LST1: variants seen among roughly 807,000 people sequenced by gnomAD.
The protein encoded by LST1 is leukocyte-specific transcript 1 protein.
LST1 carries 9 observed loss-of-function variants against 8.5 expected under a neutral mutation model. The observed-to-expected ratio is 1.06, with a 90% CI of 0.64 to 1.85. The LOEUF (loss-of-function observed/expected upper bound fraction) is 1.85. LST1 is among the 40% of genes most tolerant of loss of function. The pLI is 0.00. For missense variants in LST1, 121 were observed against 117.1 expected (o/e 1.03, Z -0.16); for synonymous variants, 53 against 50.4 (o/e 1.05, Z -0.21).
Position 31,587,753 on chromosome 6 carries a change from C to G in LST1, c.112+20C>G. ...GAAGAGGTGAGCGCTGCACTCCCTCCCTCCCCCTGCAGCAGTGCCCCCTGT... is the reference window on the plus strand; with the variant it reads ...GAAGAGGTGAGCGCTGCACTCCCTCGCTCCCCCTGCAGCAGTGCCCCCTGT... On this transcript the variant is annotated intron_variant, in intron 3 of 4. Coordinates refer to ENST00000438075, the MANE Select transcript of LST1 (RefSeq NM_205839.3). The G allele has an allele frequency of 6.4e-7, 1 of 1,553,850 alleles. No individual in the cohort carries two copies. Among genetic ancestry groups the G allele is most frequent in the Non-Finnish European group, 8.7e-7 (1 of 1,145,682 alleles).
chr6:31,586,949 G>T, intron 1 of LST1: 1 of 439,286 alleles, frequency 2.3e-6, no homozygotes, highest in Non-Finnish European at 4.2e-6. Context: ...GGTCAGCCCA[G>T]GGCAGAGGAA....
chr6:31,588,373 A>AG (rs1340835709), intron 4 of LST1, 145 bp from the exon 5 acceptor site: 8 of 795,586 alleles, frequency 1.0e-5, no homozygotes, highest in African/African-American at 5.8e-5. Context: ...TCCAAAGAAA[A>AG]AAGAGAGAGA....
intron 1 of LST1, chr6:31,586,830 T>A (rs7769073): frequency 0.055 from 9,196 of 166,940 alleles, 348 homozygotes; most frequent in South Asian, 0.15. Context: ...CACCCTCCCT[T>A]CTTCCCCCCA....
rs1018966408 is a variant in LST1 at position 31,588,890 on chromosome 6, A to G, written c.*214A>G. 31 of 883,742 alleles carry G rather than the reference A, an allele frequency of 3.5e-5. No homozygotes were observed. The highest frequency in any genetic ancestry group is 4.8e-5 in the Non-Finnish European group (28 of 585,564). The allele number at this position is 883,742 out of a possible 1,614,324, so 54.7% of individuals were successfully genotyped here. On this transcript the variant is annotated 3_prime_UTR_variant, in exon 5 of 5. Transcript: ENST00000438075. ...TTAAAAATTAAAATAAAAAAAACACATGGCTCACCCTTCCACCCACTCTGG... is the reference window on the plus strand; with the variant it reads ...TTAAAAATTAAAATAAAAAAAACACGTGGCTCACCCTTCCACCCACTCTGG...
intron 4 of LST1, 179 bp downstream of exon 4, chr6:31,588,145 C>G (rs1357174446): frequency 1.6e-6 from 1 of 614,334 alleles, no homozygotes; most frequent in Non-Finnish European, 2.7e-6. Context: ...AGACAGAAAC[C>G]AAGAGAAAAA....
At chr6:31,587,913 G>A in intron 3 of LST1, 31 bp from the exon 4 acceptor site, 1 of 1,605,702 alleles carries the variant, frequency 6.2e-7, no homozygotes, top group Non-Finnish European at 8.5e-7. Context: ...CACAAAGGGT[G>A]GGCTGTGTTG....
In LST1 at chr6:31,587,977, G is replaced by A; in HGVS notation, c.135+11G>A. 1 of 1,607,080 alleles carries A rather than the reference G, an allele frequency of 6.2e-7. No homozygotes were observed. The highest frequency in any genetic ancestry group is 8.5e-7 in the Non-Finnish European group (1 of 1,176,894). ...CTGGAGAGGAGCTGGGTGAGTCTGG[G>A]GACAGGGAAGGGGGAGGGCAAGAGA... On this transcript the variant is annotated intron_variant, in intron 4 of 4. Coordinates refer to ENST00000438075, the MANE Select transcript of LST1 (RefSeq NM_205839.3).
Position 31,588,541 on chromosome 6 carries a change from A to G in LST1, c.159A>G (p.Glu53=). 1 of 1,610,618 alleles carries G rather than the reference A, an allele frequency of 6.2e-7. No individual in the cohort carries two copies. The highest frequency in any genetic ancestry group is 8.5e-7 in the Non-Finnish European group (1 of 1,178,938). ...AGGCCCAGGGCTCCTCAGAGCAGGA[A>G]CTCCACTATGCATCTCTGCAGAGGC... The part of the protein sequence containing the change: ...RSWAQGSSEQ[E]LHYASLQRLP... The change falls in exon 5 of 5, where the codon GAA becomes GAG. Residue 53 remains glutamate, a synonymous_variant. Transcript: ENST00000438075.
Position 31,588,797 on chromosome 6 carries a change from G to C in LST1, c.*121G>C. On this transcript the variant is annotated 3_prime_UTR_variant, in exon 5 of 5. Transcript: ENST00000438075. The stretch of plus-strand genomic sequence containing the variant: ...TCCTCTCAGTCCATCTCGAGCCTCC[G>C]TTCAAATTGATCATCATCAAAACTT... 8.6e-7 allele frequency: 1 copy of C among 1,159,254 alleles called. No individual in the cohort carries two copies. Among genetic ancestry groups the C allele is most frequent in the Non-Finnish European group, 1.3e-6 (1 of 777,760 alleles). The allele number at this position is 1,159,254 out of a possible 1,614,324, so 71.8% of individuals were successfully genotyped here.
In LST1 at chr6:31,587,750, C is replaced by G. The variant is rs1242287640; in HGVS notation, c.112+17C>G. 6.4e-7 allele frequency: 1 copy of G among 1,557,702 alleles called. No individual in the cohort carries two copies. The highest frequency in any genetic ancestry group is 8.7e-7 in the Non-Finnish European group (1 of 1,148,354). ...ATCGAAGAGGTGAGCGCTGCACTCC[C>G]TCCCTCCCCCTGCAGCAGTGCCCCC... On this transcript the variant is annotated intron_variant, in intron 3 of 4. Coordinates refer to ENST00000438075, the MANE Select transcript of LST1 (RefSeq NM_205839.3).
Position 31,588,140 on chromosome 6 carries a change from G to A in LST1, c.135+174G>A, listed in dbSNP as rs541003261. On this transcript the variant is annotated intron_variant, in intron 4 of 4. Transcript: ENST00000438075. The stretch of plus-strand genomic sequence containing the variant: ...CAAAAGAGAAAGAGAAAATGAGACA[G>A]AAACCAAGAGAAAAAGTGAGACAGA... 96 of 629,652 alleles carry A rather than the reference G, an allele frequency of 1.5e-4. No homozygotes were observed. In the East Asian group the frequency reaches 2.7e-3, roughly 18 times the overall value. 39.0% of individuals were successfully genotyped at this position (629,652 alleles called of 1,614,324 possible). A position where few individuals can be genotyped will look rare whatever the true frequency, so the allele number is the denominator to read the frequency against.
At chr6:31,588,014 G>C in intron 4 of LST1, 48 bp downstream of exon 4, 1 of 1,563,702 alleles carries the variant, frequency 6.4e-7, no homozygotes, top group Non-Finnish European at 8.7e-7. Flanking sequence ...ATCCTGAGTG[G>C]GTGAGTGGGG....
chr6:31,588,494 C>T, intron 4 of LST1, 24 bp from the exon 5 acceptor site: 1 of 1,577,424 alleles, frequency 6.3e-7, no homozygotes. Context: ...CGCCTCCCAT[C>T]AGCACCTTCT....
rs775509303 is a variant in LST1, at chr6:31,587,645, A to C, written c.24A>C (p.Ile8=). ...CTTGAGCCCTCTTCCCTGAAGATAT[A>C]TGTATCTACGGGGGCCTGGGGCTGG... is the stretch of plus-strand genomic sequence containing the variant. MLSRNDD[I]CIYGGLGLGG... The change falls in exon 3 of 5, where the codon ATA becomes ATC. Residue 8 remains isoleucine, a synonymous_variant. Coordinates refer to ENST00000438075, the MANE Select transcript of LST1 (RefSeq NM_205839.3). 47 of 1,594,516 alleles carry C rather than the reference A, an allele frequency of 2.9e-5. No individual in the cohort carries two copies. Among genetic ancestry groups the C allele is most frequent in the Non-Finnish European group, 3.8e-5 (45 of 1,168,990 alleles).
chr6:31,587,155 C>T (rs1009322795), intron 1 of LST1, 45 bp from the exon 2 acceptor site: 3 of 689,480 alleles, frequency 4.4e-6, no homozygotes, highest in Middle Eastern at 3.5e-4. Flanking sequence ...AAGGGAGGCT[C>T]CCCAGCCTGG....
intron 4 of LST1, 85 bp from the exon 5 acceptor site, chr6:31,588,428 GAAGTA>G: frequency 2.2e-6 from 3 of 1,348,510 alleles, no homozygotes; most frequent in Admixed American, 2.1e-5. Context: ...GAGAGGGAGA[GAAGTA>G]AGAAAGGCTG....
chr6:31,587,794 C>G (rs535032514), intron 3 of LST1, 61 bp downstream of exon 3: 11 of 1,490,270 alleles, frequency 7.4e-6, no homozygotes, highest in Middle Eastern at 2.3e-4. Flanking sequence ...CACCCCCACA[C>G]GCTTTCCCAC....
intron 2 of LST1, 89 bp downstream of exon 2, chr6:31,587,407 A>G (rs1772041176): frequency 1.1e-5 from 16 of 1,450,578 alleles, no homozygotes; most frequent in Non-Finnish European, 1.6e-5. Context: ...GCTCATGACT[A>G]GGTGGACAGG....
rs1421121291 is a variant in LST1 at position 31,588,710 on chromosome 6, G to A, written c.*34G>A. On this transcript the variant is annotated 3_prime_UTR_variant, in exon 5 of 5. Coordinates refer to ENST00000438075, the MANE Select transcript of LST1 (RefSeq NM_205839.3). Reference sequence around the variant, plus strand: ...GACACCTTCCTCAACCCAGGCGGGTGGACAGGGTCCCCCTGTGGTCCAGCC... The same window carrying A: ...GACACCTTCCTCAACCCAGGCGGGTAGACAGGGTCCCCCTGTGGTCCAGCC... 2.5e-6 allele frequency: 4 copies of A among 1,611,468 alleles called. No individual in the cohort carries two copies. The highest frequency in any genetic ancestry group is 1.7e-5 in the Admixed American group (1 of 59,998).
Sources: gnomAD v4.1 joint callset for allele counts on GRCh38, gnomAD v4.1.1 for gene constraint, MANE v1.5 for transcripts, NCBI Gene and HGNC (gene_info 2026-07-23, HGNC 2026-07-21) for gene names.